Variants in HADHA observed in about 807,000 individuals in gnomAD.
HADHA encodes the protein hydroxyacyl-CoA dehydrogenase trifunctional multienzyme complex subunit alpha, also known as trifunctional enzyme subunit alpha, mitochondrial.
In HADHA, 59 loss-of-function variants were observed where a neutral mutation model predicts 91.3. The observed-to-expected ratio is 0.65, with a 90% CI of 0.52 to 0.80. The LOEUF is 0.80. Ranked by LOEUF, HADHA falls within the 30% of genes least tolerant of loss-of-function variation. The pLI is 0.00. For missense variants in HADHA, 800 were observed against 927.6 expected (o/e 0.86, Z 1.79); for synonymous variants, 320 against 338.9 (o/e 0.94, Z 0.61).
intron 7 of HADHA, among the ~76,000 whole-genome samples, chr2:26,223,888 A>G (rs979581597): frequency 6.6e-6 from 1 of 152,132 alleles, no homozygotes; most frequent in African/African-American, 2.4e-5. Context: ...CTGGGAATGC[A>G]GGCATGTACC....
chr2:26,196,159 A>G (rs1384509743), intron 14 of HADHA, among the ~76,000 whole-genome samples: 1 of 152,194 alleles, frequency 6.6e-6, no homozygotes, highest in Non-Finnish European at 1.5e-5. Context: ...TAGATGAGGA[A>G]AAAAGGTATC....
intron 7 of HADHA, among the ~76,000 whole-genome samples, chr2:26,219,512 G>A (rs929810896): frequency 5.6e-4 from 85 of 152,324 alleles, no homozygotes; most frequent in African/African-American, 2.0e-3. Flanking sequence ...GTTAGAGGAC[G>A]CACCCTTCAC....
In HADHA at chr2:26,234,280, A is replaced by G; in HGVS notation, c.390T>C (p.Leu130=). ...SQEAQRIVEK[L]EKSTKPIVAA... is the part of the protein sequence containing the mutation. ...CCACAATAGGCTTTGTGGACTTTTC[A>G]AGTTTCTCAACTATTCTCTGTGCTT... Residue 130 remains leucine (L), a synonymous_variant, in exon 5 of 20, where the codon CTT becomes CTC. Transcript: ENST00000380649. 6.2e-7 allele frequency: 1 copy of G among 1,613,758 alleles called. No homozygotes were observed.
intron 9 of HADHA, 145 bp from the exon 10 acceptor site, chr2:26,212,771 A>T (rs1398336940): frequency 9.7e-6 from 7 of 724,066 alleles, no homozygotes; most frequent in Non-Finnish European, 1.8e-5. Context: ...AGGACTGAGG[A>T]TCTGGCTGCT....
In HADHA at chr2:26,193,563, T is replaced by C. The variant is rs756064417; in HGVS notation, c.1885+14A>G. The C allele has an allele frequency of 3.7e-6, 6 of 1,601,862 alleles. No homozygotes were observed. The East Asian group carries it at 1.3e-4, about 36-fold the overall frequency. On this transcript the variant is annotated intron_variant, in intron 17 of 19. Coordinates refer to ENST00000380649, the MANE Select transcript of HADHA (RefSeq NM_000182.5). ...AACTAATGGTGCTAGTTATGTTTCC[T>C]TGAGGCTACTCACCTAGGAAGCCCT...
At chr2:26,241,679 C>A (rs1670894937) in intron 1 of HADHA, among the ~76,000 whole-genome samples, 1 of 151,392 alleles carries the variant, frequency 6.6e-6, no homozygotes, top group East Asian at 1.9e-4. Flanking sequence ...AACAAACAAA[C>A]AAAAAAACCA....
At chr2:26,239,483 A>C (rs1054611567) in intron 1 of HADHA, among the ~76,000 whole-genome samples, 3 of 152,212 alleles carry the variant, frequency 2.0e-5, no homozygotes, top group African/African-American at 7.2e-5. Context: ...GGCCCAGTGT[A>C]ATCACAAAAG....
At chr2:26,218,694 G>A (rs185985518) in intron 7 of HADHA, among the ~76,000 whole-genome samples, 1 of 152,142 alleles carries the variant, frequency 6.6e-6, no homozygotes, top group African/African-American at 2.4e-5. Flanking sequence ...TTAAGGTTCT[G>A]ACACCACAGG....
chr2:26,238,394 T>C (rs1280945829), intron 3 of HADHA, among the ~76,000 whole-genome samples: 2 of 152,176 alleles, frequency 1.3e-5, no homozygotes, highest in African/African-American at 2.4e-5. Flanking sequence ...GGCAAAAGAA[T>C]GGATTACTGT....
In HADHA at chr2:26,231,968, CA is replaced by C. The variant is rs70950177; in HGVS notation, c.573+191del. On this transcript the variant is annotated intron_variant, in intron 6 of 19. Coordinates refer to ENST00000380649, the MANE Select transcript of HADHA (RefSeq NM_000182.5). ...TGGGCTACAGAGCAAGATTTTGTCT[CA>C]AAAAAAAAAAAAAAAAAAAATCTGT... Among the ~76,000 whole-genome samples the C allele has an allele frequency of 0.17, 15,761 of 92,390 alleles. 775 individuals are homozygous for C. The highest frequency in any genetic ancestry group is 0.22 in the African/African-American group (5,006 of 23,130). 60.6% of individuals were successfully genotyped at this position (92,390 alleles called of 152,430 possible).
rs548153730 is a variant in HADHA, at chr2:26,220,043, T to C, written c.677-4868A>G. Reference sequence around the variant, plus strand: ...TCCTACCCTTCCCCAAAGGGACCTATGGCTATTTGCCTTGCAGAAGGGGAA... The same window carrying C: ...TCCTACCCTTCCCCAAAGGGACCTACGGCTATTTGCCTTGCAGAAGGGGAA... On this transcript the variant is annotated intron_variant, in intron 7 of 19. Transcript: ENST00000380649. Among the ~76,000 whole-genome samples the C allele has an allele frequency of 4.9e-3, 743 of 152,324 alleles. 5 individuals carry two copies. Among genetic ancestry groups the C allele is most frequent in the African/African-American group, 0.017 (716 of 41,580 alleles).
At position 26,234,281 on chromosome 2, in the gene HADHA, AGT is replaced by A. The variant is rs780350631; in HGVS notation, c.387_388del (p.Lys129AsnfsTer2). ...CACAATAGGCTTTGTGGACTTTTCA[AGT>A]TTCTCAACTATTCTCTGTGCTTCTT... On this transcript the variant is annotated frameshift_variant, in exon 5 of 20. Transcript: ENST00000380649. LOFTEE classifies it high-confidence loss of function. 1.2e-6 allele frequency: 2 copies of A among 1,613,806 alleles called. No homozygotes were observed. Among genetic ancestry groups the A allele is most frequent in the Non-Finnish European group, 1.7e-6 (2 of 1,179,712 alleles).
chr2:26,192,982 G>A lies in HADHA; in HGVS notation c.1886-558C>T, dbSNP rs572692027. ...TTTTAACATCCCCATATGCAGCACC[G>A]GGTCCTAGAACACCCAGGTTGTAAT... On this transcript the variant is annotated intron_variant, in intron 17 of 19. Transcript: ENST00000380649. 1.8e-4 allele frequency among the ~76,000 whole-genome samples: 27 copies of A among 152,182 alleles called. 2 individuals carry two copies. In the South Asian group the frequency reaches 4.4e-3, roughly 25 times the overall value.
rs1558313963 is a variant in HADHA, at chr2:26,192,349, C to T, written c.1961G>A (p.Ser654Asn). ...AGGCAGCTTCAGACTCGCTAAAATA[C>T]TATCCATGTCAGAATTCAAATCCTT... ...KRKDLNSDMDSILASLKLPPK... is the reference protein window; with the variant it reads ...KRKDLNSDMDNILASLKLPPK... The change falls in exon 18 of 20, where the codon AGT becomes AAT. Residue 654 changes from serine to asparagine, a missense_variant. Physicochemically the swap from Ser to Asn is conservative, Grantham distance 46 (BLOSUM62 1). Coordinates refer to ENST00000380649, the MANE Select transcript of HADHA (RefSeq NM_000182.5). 4.4e-6 allele frequency: 7 copies of T among 1,608,738 alleles called. No homozygotes were observed. The highest frequency in any genetic ancestry group is 1.1e-5 in the South Asian group (1 of 90,958).
At position 26,201,189 on chromosome 2, in the gene HADHA, TC is replaced by T; in HGVS notation, c.1351del (p.Asp451ThrfsTer9). On this transcript the variant is annotated frameshift_variant, in exon 13 of 20. Transcript: ENST00000380649. LOFTEE classifies it high-confidence loss of function. ...ADMVIEAVFEDLSLKHRVLKE... is the reference protein window; with the variant it reads ...ADMVIEAVFEXLSLKHRVLKE... ...TAGCACTCTGTGCTTAAGACTAAGG[TC>T]CTCAAACACAGCTTCAATCACCATG... The T allele has an allele frequency of 6.2e-7, 1 of 1,613,978 alleles. No homozygotes were observed. The highest frequency in any genetic ancestry group is 1.7e-5 in the Admixed American group (1 of 60,034).
rs952024284 is a variant in HADHA at position 26,229,077 on chromosome 2, C to T, written c.676+1115G>A. 1.3e-5 allele frequency among the ~76,000 whole-genome samples: 2 copies of T among 152,120 alleles called. No individual in the cohort carries two copies. The highest frequency in any genetic ancestry group is 4.8e-5 in the African/African-American group (2 of 41,410). On this transcript the variant is annotated intron_variant, in intron 7 of 19. Coordinates refer to ENST00000380649, the MANE Select transcript of HADHA (RefSeq NM_000182.5). This position sits in a 1 kb window ranked among gnomAD's most constrained non-coding sequence, Gnocchi z 4.3. Reference sequence around the variant, plus strand: ...CAATTTCACCAGACACAGTGGCTCACACCTGTAAATCTCGGCACTTTGGGT... The same window carrying T: ...CAATTTCACCAGACACAGTGGCTCATACCTGTAAATCTCGGCACTTTGGGT...
In HADHA at chr2:26,193,586, C is replaced by A; in HGVS notation, c.1876G>T (p.Gly626Cys). 1 of 1,613,298 alleles carries A rather than the reference C, an allele frequency of 6.2e-7. No individual in the cohort carries two copies. The highest frequency in any genetic ancestry group is 8.5e-7 in the Non-Finnish European group (1 of 1,179,302). The change falls in exon 17 of 20, where the codon GGC (glycine) becomes TGC (cysteine). Residue 626 changes from glycine (G) to cysteine (C), a missense_variant. Gly to Cys is a radical substitution (Grantham distance 159, BLOSUM62 -3). Coordinates refer to ENST00000380649, the MANE Select transcript of HADHA (RefSeq NM_000182.5). ...PELLTQMVSK[G>C]FLGRKSGKGF... ...CCTTGAGGCTACTCACCTAGGAAGC[C>A]CTTGGACACCATCTGTGTCAGCAGT...
At chr2:26,241,426 C>A (rs1391750686) in intron 1 of HADHA, among the ~76,000 whole-genome samples, 8 of 151,526 alleles carry the variant, frequency 5.3e-5, no homozygotes, top group African/African-American at 1.9e-4. Flanking sequence ...TAGAGACCAG[C>A]CTGGCTGACA....
intron 10 of HADHA, 89 bp downstream of exon 10, chr2:26,212,481 A>AT (rs1365703099): frequency 2.1e-6 from 2 of 936,756 alleles, no homozygotes; most frequent in South Asian, 2.6e-5. Context: ...GGCTTTGGAT[A>AT]TTTTTTTCCT....
Sources: allele counts gnomAD v4.1 joint callset (sites outside exome capture counted in the v4.1 genomes callset), GRCh38; gene constraint gnomAD v4.1.1; non-coding constraint Gnocchi (gnomAD v3.1); transcripts MANE v1.5; gene names NCBI Gene and HGNC (gene_info 2026-07-23, HGNC 2026-07-21).